The following PLVAP variants were observed in gnomAD, a reference collection of about 807,000 sequenced individuals.
The protein encoded by PLVAP is plasmalemma vesicle associated protein, also known as plasmalemma vesicle-associated protein.
PLVAP carries 34 observed loss-of-function variants against 43.1 expected under a neutral mutation model. The observed-to-expected ratio is 0.79, with a 90% CI of 0.60 to 1.05. The LOEUF (loss-of-function observed/expected upper bound fraction) is 1.05. Among genes scored for constraint, PLVAP ranks in the 50% least tolerant of loss-of-function variants. The pLI is 0.00. For synonymous variants in PLVAP, 241 were observed against 237.3 expected, an observed-to-expected ratio of 1.02 and a Z score of -0.14; for missense variants, 574 against 593.4, an observed-to-expected ratio of 0.97 and a Z score of 0.34.
intron 1 of PLVAP, among the ~76,000 whole-genome samples, chr19:17,366,775 G>T (rs1261210194): frequency 6.6e-6 from 1 of 151,724 alleles, no homozygotes; most frequent in African/African-American, 2.4e-5. Context: ...GAGATTACAG[G>T]TGGCTGCCAC....
rs894339577 is a variant in PLVAP at position 17,368,362 on chromosome 19, G to A, written c.370-2167C>T. 4.7e-5 allele frequency among the ~76,000 whole-genome samples: 7 copies of A among 147,482 alleles called. No homozygotes were observed. In the East Asian group the frequency reaches 6.0e-4, roughly 13 times the overall value. On this transcript the variant is annotated intron_variant, in intron 1 of 5. Coordinates refer to ENST00000252590, the MANE Select transcript of PLVAP (RefSeq NM_031310.3). ...GCTAGGATTACAGGTGTGAGCCACC[G>A]CACTCGGCCGAACTAATTTTTGTAT...
At chr19:17,368,953 A>T (rs1350814602) in intron 1 of PLVAP, among the ~76,000 whole-genome samples, 1 of 151,950 alleles carries the variant, frequency 6.6e-6, no homozygotes, top group East Asian at 1.9e-4. Flanking sequence ...ACTCCAGTCC[A>T]GCCTGGGTGA....
chr19:17,371,494 A>G (rs1392167014), intron 1 of PLVAP, among the ~76,000 whole-genome samples: 5 of 150,768 alleles, frequency 3.3e-5, no homozygotes, highest in African/African-American at 1.2e-4. Context: ...TTTTAATTTA[A>G]TTTTATTTTT....
rs201733879 is a variant in PLVAP, at chr19:17,366,179, T to C, written c.386A>G (p.Asn129Ser). ...CQGDRVIYTNNQRYMAAIILS... is the reference protein window; with the variant it reads ...CQGDRVIYTNSQRYMAAIILS... ...GATGATGGCAGCCATGTACCTCTGA[T>C]TGTTCGTGTAGATGACCTGCCCGGA... Residue 129 changes from asparagine to serine, a missense_variant, in exon 2 of 6, where the codon AAT becomes AGT. Asn to Ser is a conservative substitution (Grantham distance 46, BLOSUM62 1). Coordinates refer to ENST00000252590, the MANE Select transcript of PLVAP (RefSeq NM_031310.3). 40 of 1,614,110 alleles carry C rather than the reference T, an allele frequency of 2.5e-5. No homozygotes were observed. In the East Asian group the frequency reaches 3.1e-4, roughly 13 times the overall value.
chr19:17,376,105 G>C (rs961833350), intron 1 of PLVAP, among the ~76,000 whole-genome samples: 1 of 152,002 alleles, frequency 6.6e-6, no homozygotes, highest in African/African-American at 2.4e-5. Flanking sequence ...TGGAGCCCAG[G>C]ATGTCAAGGC....
intron 1 of PLVAP, among the ~76,000 whole-genome samples, chr19:17,368,838 C>CA (rs1454580870): frequency 7.9e-5 from 12 of 152,088 alleles, no homozygotes; most frequent in African/African-American, 2.9e-4. Context: ...ATTAGCAGGG[C>CA]ATGTTGGTGG....
At chr19:17,367,960 C>T (rs1385602668) in intron 1 of PLVAP, among the ~76,000 whole-genome samples, 6 of 151,214 alleles carry the variant, frequency 4.0e-5, no homozygotes, top group African/African-American at 9.7e-5. Flanking sequence ...TACAATGGCT[C>T]GATCTCAGCT....
At chr19:17,355,434 C>T (rs976505903) in intron 5 of PLVAP, among the ~76,000 whole-genome samples, 4 of 151,884 alleles carry the variant, frequency 2.6e-5, no homozygotes, top group African/African-American at 9.7e-5. Flanking sequence ...GTGATCATAG[C>T]TCACTGCAGC....
At chr19:17,366,224 G>T in intron 1 of PLVAP, 29 bp from the exon 2 acceptor site, 1 of 1,610,220 alleles carries the variant, frequency 6.2e-7, no homozygotes, top group Non-Finnish European at 8.5e-7. Context: ...AAGGACGCAG[G>T]ACAGAGCTTA....
intron 1 of PLVAP, among the ~76,000 whole-genome samples, chr19:17,366,909 T>C (rs2074552641): frequency 1.3e-5 from 2 of 150,454 alleles, no homozygotes; most frequent in South Asian, 4.2e-4. Context: ...GTGCTGAGAC[T>C]ACAGGCTTGA....
chr19:17,360,903 C>CT lies in PLVAP; in HGVS notation c.1180-72dup, dbSNP rs1490075681. On this transcript the variant is annotated intron_variant, in intron 3 of 5. Transcript: ENST00000252590. The stretch of plus-strand genomic sequence containing the variant: ...CAGACAGGCTTCTGCCTTTTCTTTT[C>CT]TTTTCTTTTTCTTTTTTTTTTTTTT... 5.2e-6 allele frequency: 6 copies of CT among 1,150,402 alleles called. No individual in the cohort carries two copies. The East Asian group carries it at 9.8e-5, about 19-fold the overall frequency. 71.3% of individuals were successfully genotyped at this position (1,150,402 alleles called of 1,614,324 possible).
At chr19:17,354,241 G>T (rs1420180491) in intron 5 of PLVAP, among the ~76,000 whole-genome samples, 2 of 151,892 alleles carry the variant, frequency 1.3e-5, no homozygotes, top group African/African-American at 2.4e-5. Flanking sequence ...AGTGAGCCAA[G>T]ATCACACCAC....
chr19:17,361,580 G>T (rs1180006470), intron 3 of PLVAP, among the ~76,000 whole-genome samples: 1 of 152,060 alleles, frequency 6.6e-6, no homozygotes, highest in Non-Finnish European at 1.5e-5. Flanking sequence ...GAATATCCCT[G>T]AGCCAATCCC....
In PLVAP at chr19:17,364,764, CTTTTTTT is replaced by C. The variant is rs71162109; in HGVS notation, c.1179+515_1179+521del. 1.3e-4 allele frequency among the ~76,000 whole-genome samples: 11 copies of C among 87,358 alleles called. No homozygotes were observed. The South Asian group carries it at 2.3e-3, about 19-fold the overall frequency. 57.3% of individuals were successfully genotyped at this position (87,358 alleles called of 152,430 possible). The stretch of plus-strand genomic sequence containing the variant: ...TATCCACCCTACCTCTAATTCCAGT[CTTTTTTT>C]TTTTTTTTTTTTTTTTTTTGAGATG... On this transcript the variant is annotated intron_variant, in intron 3 of 5. Transcript: ENST00000252590.
At chr19:17,372,735 T>C (rs918741805) in intron 1 of PLVAP, among the ~76,000 whole-genome samples, 2 of 150,640 alleles carry the variant, frequency 1.3e-5, no homozygotes, top group East Asian at 4.2e-4. Context: ...GGATTATAGG[T>C]GTGAGCCACT....
intron 5 of PLVAP, among the ~76,000 whole-genome samples, chr19:17,359,347 C>G (rs186227371): frequency 1.4e-4 from 21 of 151,312 alleles, no homozygotes; most frequent in African/African-American, 4.9e-4. Context: ...CTCCTGAGCT[C>G]AAGTGATCCG....
intron 1 of PLVAP, among the ~76,000 whole-genome samples, chr19:17,371,269 C>G (rs1349799806): frequency 6.6e-6 from 1 of 150,948 alleles, no homozygotes; most frequent in Non-Finnish European, 1.5e-5. Context: ...TCAAGTGATT[C>G]TCATGCCTCA....
intron 3 of PLVAP, 176 bp from the exon 4 acceptor site, chr19:17,361,008 AG>A (rs1359699307): frequency 1.7e-6 from 1 of 595,100 alleles, no homozygotes; most frequent in Non-Finnish European, 2.9e-6. Context: ...TCTGCCTCCC[AG>A]GTTCAAGCGA....
intron 1 of PLVAP, 111 bp downstream of exon 1, chr19:17,376,809 G>T: frequency 2.7e-6 from 3 of 1,097,036 alleles, no homozygotes; most frequent in East Asian, 2.6e-5. Flanking sequence ...TAAGAAAAGA[G>T]AGCATTGGTC....
Sources: gnomAD v4.1 joint callset for allele counts (sites outside exome capture counted in the v4.1 genomes callset) on GRCh38, gnomAD v4.1.1 for gene constraint, MANE v1.5 for transcripts, NCBI Gene and HGNC (gene_info 2026-07-23, HGNC 2026-07-21) for gene names.